Variants in COLQ observed in about 807,000 individuals in gnomAD.
COLQ encodes collagen like tail subunit of asymmetric acetylcholinesterase.
COLQ carries 48 observed loss-of-function variants against 69.0 expected under a neutral mutation model. The observed-to-expected ratio is 0.70, with a 90% confidence interval of 0.55 to 0.88. The LOEUF is 0.88. Among genes scored for constraint, COLQ ranks in the 40% least tolerant of loss-of-function variants. The probability of loss-of-function intolerance (pLI) is 0.00; values close to 1 mark genes in which losing one functional copy is unlikely to be tolerated. For missense variants in COLQ, 618 were observed against 594.6 expected, an observed-to-expected ratio of 1.04 and a Z score of -0.41; for synonymous variants, 217 against 211.2, an observed-to-expected ratio of 1.03 and a Z score of -0.24.
At chr3:15,481,636 G>C (rs2062485676) in intron 3 of COLQ, among the ~76,000 whole-genome samples, 2 of 152,206 alleles carry the variant, frequency 1.3e-5, no homozygotes, top group Non-Finnish European at 2.9e-5. Context: ...ATAGTTTGAA[G>C]TCAGGTAGTG....
rs2125119535 is a variant in COLQ, at chr3:15,477,126, C to G, written c.465G>C (p.Arg155Ser). 6.2e-7 allele frequency: 1 copy of G among 1,600,026 alleles called. No homozygotes were observed. Among genetic ancestry groups the G allele is most frequent in the East Asian group, 2.2e-5 (1 of 44,476 alleles). ...AGCCCTGAGAGCATGCCACACTTAC[C>G]CTGGGTCCTTCAGGGCCTGGCCAAC... ...PIGWPGPEGP[R>S]GEKGDLGMMG... is the part of the protein sequence containing the mutation. The change falls in exon 6 of 17, where the codon AGG becomes AGC. Residue 155 changes from arginine to serine, a missense_variant and splice_region_variant. By Grantham distance (110) the Arg-to-Ser change is moderately radical. Coordinates refer to ENST00000383788, the MANE Select transcript of COLQ (RefSeq NM_005677.4).
At chr3:15,465,236 A>T (rs1177913770) in intron 12 of COLQ, among the ~76,000 whole-genome samples, 53 of 81,704 alleles carry the variant, frequency 6.5e-4, no homozygotes, top group East Asian at 3.7e-3. Flanking sequence ...TTATATTTTG[A>T]TTTATTTATT....
intron 1 of COLQ, among the ~76,000 whole-genome samples, chr3:15,504,630 A>G (rs186730713): frequency 1.3e-5 from 2 of 152,314 alleles, no homozygotes; most frequent in East Asian, 3.9e-4. Flanking sequence ...AGGCCGAGGC[A>G]GGTAGATCAC....
chr3:15,518,428 A>C (rs1215414278), intron 1 of COLQ, among the ~76,000 whole-genome samples: 1 of 152,222 alleles, frequency 6.6e-6, no homozygotes, highest in East Asian at 1.9e-4. Context: ...AGTGGTGCCC[A>C]AAGTAAGAGT....
rs565919276 is a variant in COLQ, at chr3:15,514,989, A to T, written c.106+6531T>A. ...ATTTTTAAATGTTAGCCACTAAGGC[A>T]ATTTTTAGAAATCACCACCCCCCAC... On this transcript the variant is annotated intron_variant, in intron 1 of 16. Transcript: ENST00000383788. 9.3e-4 allele frequency among the ~76,000 whole-genome samples: 142 copies of T among 152,350 alleles called. 2 individuals carry two copies. Among genetic ancestry groups the T allele is most frequent in the Non-Finnish European group, 5.9e-5 (4 of 68,024 alleles).
chr3:15,466,089 A>G (rs1283143418), intron 12 of COLQ, among the ~76,000 whole-genome samples: 1 of 152,252 alleles, frequency 6.6e-6, no homozygotes, highest in Non-Finnish European at 1.5e-5. Context: ...GGTATAAATG[A>G]CATCATTAAT....
chr3:15,496,140 G>C (rs903072942), intron 1 of COLQ: 1 of 152,500 alleles, frequency 6.6e-6, no homozygotes, highest in African/African-American at 2.4e-5. Context: ...CTGGAAATTG[G>C]AGACCTCTTC....
rs1199801977 is a variant in COLQ, at chr3:15,473,196, A to C, written c.636+804T>G. Reference sequence around the variant, plus strand: ...GAGACAGGGTCTGCCTCTGTGGCCCAGGCTGGAGTGCAGTGGTGCAATCAT... The same window carrying C: ...GAGACAGGGTCTGCCTCTGTGGCCCCGGCTGGAGTGCAGTGGTGCAATCAT... On this transcript the variant is annotated intron_variant, in intron 10 of 16. Coordinates refer to ENST00000383788, the MANE Select transcript of COLQ (RefSeq NM_005677.4). The surrounding 1 kb of genome is among the most constrained non-coding windows in gnomAD (Gnocchi z 4.0). Among the ~76,000 whole-genome samples the C allele has an allele frequency of 1.3e-5, 2 of 152,166 alleles. No individual in the cohort carries two copies. The highest frequency in any genetic ancestry group is 2.9e-5 in the Non-Finnish European group (2 of 68,020).
intron 1 of COLQ, chr3:15,496,287 CT>C (rs960511282): frequency 3.8e-4 from 59 of 154,754 alleles, no homozygotes; most frequent in African/African-American, 1.4e-3. Flanking sequence ...CTGCCCTCCC[CT>C]GACTCCCTGA....
intron 3 of COLQ, among the ~76,000 whole-genome samples, chr3:15,484,321 G>A (rs1179023710): frequency 2.6e-5 from 4 of 152,124 alleles, no homozygotes; most frequent in Admixed American, 6.5e-5. Context: ...GGTCTTTACC[G>A]TTTGGTATGA....
intron 1 of COLQ, among the ~76,000 whole-genome samples, chr3:15,508,552 T>C (rs1363055436): frequency 6.6e-6 from 1 of 152,214 alleles, no homozygotes; most frequent in Non-Finnish European, 1.5e-5. Context: ...GTATCTCAAA[T>C]GCTATGTATA....
At position 15,480,065 on chromosome 3, in the gene COLQ, G is replaced by C. The variant is rs566360631; in HGVS notation, c.322-683C>G. On this transcript the variant is annotated intron_variant, in intron 3 of 16. Coordinates refer to ENST00000383788, the MANE Select transcript of COLQ (RefSeq NM_005677.4). ...GTGCCTGCAAAATGCTCAGTCAGCT[G>C]TTTTCCAAATTCTCCAAAACAGCAG... Among the ~76,000 whole-genome samples the C allele has an allele frequency of 4.2e-4, 64 of 152,308 alleles. 1 individual carries two copies. The highest frequency in any genetic ancestry group is 8.3e-4 in the South Asian group (4 of 4,822).
rs924812 is a variant in COLQ at position 15,474,974 on chromosome 3, T to C, written c.529-23A>G. 0.39 allele frequency: 631,940 copies of C among 1,610,502 alleles called. 125,624 individuals are homozygous for C. Among genetic ancestry groups the C allele is most frequent in the East Asian group, 0.48 (21,651 of 44,856 alleles). ...GCCCTAAAAGAAAGCAGAAGGTACA[T>C]TTACAATCAGCCCTGTAGGACTTCT... On this transcript the variant is annotated intron_variant, in intron 7 of 16. Transcript: ENST00000383788.
chr3:15,492,001 T>C (rs2062674933), intron 1 of COLQ, among the ~76,000 whole-genome samples: 1 of 150,868 alleles, frequency 6.6e-6, no homozygotes, highest in East Asian at 1.9e-4. Flanking sequence ...GAGGTTGCAG[T>C]GAGCTGAGAT....
At chr3:15,477,238 T>C in intron 5 of COLQ, 41 bp from the exon 6 acceptor site, 2 of 1,539,030 alleles carry the variant, frequency 1.3e-6, no homozygotes, top group Non-Finnish European at 1.8e-6. Flanking sequence ...ACTGGGTTTG[T>C]TTCTTTACTT....
chr3:15,507,415 T>C (rs2062926333), intron 1 of COLQ, among the ~76,000 whole-genome samples: 1 of 152,196 alleles, frequency 6.6e-6, no homozygotes, highest in South Asian at 2.1e-4. Context: ...CCTGTTTCCA[T>C]ACACCTTCGC....
Position 15,477,199 on chromosome 3 carries a change from T to G in COLQ, c.394-2A>C. Reference sequence around the variant, plus strand: ...AACACCTGGGGGGCCAGGTCTACCCTTCAAAGACCAAGAACAAAAGTCAGG... The same window carrying G: ...AACACCTGGGGGGCCAGGTCTACCCGTCAAAGACCAAGAACAAAAGTCAGG... On this transcript the variant is annotated splice_acceptor_variant, in intron 5 of 16. Transcript: ENST00000383788. LOFTEE classifies it high-confidence loss of function. 1 of 1,604,622 alleles carries G rather than the reference T, an allele frequency of 6.2e-7. No individual in the cohort carries two copies.
At chr3:15,509,156 A>G (rs779466611) in intron 1 of COLQ, among the ~76,000 whole-genome samples, 20 of 152,164 alleles carry the variant, frequency 1.3e-4, no homozygotes, top group Non-Finnish European at 2.2e-4. Context: ...ATCAGCCACT[A>G]TTTGCTGGCA....
intron 12 of COLQ, among the ~76,000 whole-genome samples, chr3:15,459,130 C>T (rs990486838): frequency 6.6e-6 from 1 of 152,006 alleles, no homozygotes; most frequent in Non-Finnish European, 1.5e-5. Context: ...AGGCGTGAGC[C>T]ACCATACCCA....
Sources: gnomAD v4.1 joint callset for allele counts (sites outside exome capture counted in the v4.1 genomes callset) on GRCh38, gnomAD v4.1.1 for gene constraint, Gnocchi (gnomAD v3.1) non-coding constraint, MANE v1.5 for transcripts, NCBI Gene and HGNC (gene_info 2026-07-23, HGNC 2026-07-21) for gene names.